The following TEAD1 variants were observed in gnomAD, a reference collection of about 807,000 sequenced individuals.
TEAD1 encodes transcriptional enhancer factor TEF-1.
Under a neutral mutation model 54.9 loss-of-function variants are expected in TEAD1, and 9 were observed. The ratio of observed to expected loss-of-function variants is 0.16; its 90% CI spans 0.10 to 0.29. TEAD1 has a LOEUF of 0.29. Ranked by LOEUF, TEAD1 falls within the 10% of genes least tolerant of loss-of-function variation. The pLI, the probability that TEAD1 is intolerant of heterozygous loss-of-function variation, is 1.00. For synonymous variants in TEAD1, 200 were observed against 187.8 expected, an observed-to-expected ratio of 1.07 and a Z score of -0.53; for missense variants, 387 against 535.9, an observed-to-expected ratio of 0.72 and a Z score of 2.74.
At chr11:12,833,037 C>T (rs1208553593) in intron 3 of TEAD1, among the ~76,000 whole-genome samples, 1 of 152,232 alleles carries the variant, frequency 6.6e-6, no homozygotes, top group African/African-American at 2.4e-5. Flanking sequence ...AGACATATTG[C>T]AACCAAATAG....
chr11:12,819,679 C>T (rs1240848119), intron 3 of TEAD1, among the ~76,000 whole-genome samples: 2 of 151,878 alleles, frequency 1.3e-5, no homozygotes, highest in Admixed American at 1.3e-4. Flanking sequence ...TCTTGATCTC[C>T]TGACCTTTTG....
chr11:12,742,596 A>T (rs1037488150), intron 2 of TEAD1, among the ~76,000 whole-genome samples: 5 of 152,226 alleles, frequency 3.3e-5, no homozygotes, highest in Non-Finnish European at 7.3e-5. Flanking sequence ...ATCACAAAGA[A>T]ATGATACCTA....
intron 3 of TEAD1, among the ~76,000 whole-genome samples, chr11:12,792,026 G>A (rs947419460): frequency 1.3e-5 from 2 of 152,144 alleles, no homozygotes; most frequent in Non-Finnish European, 2.9e-5. Flanking sequence ...GGATAGGTGG[G>A]CACTTAGAAG....
intron 3 of TEAD1, among the ~76,000 whole-genome samples, chr11:12,838,729 G>C (rs1444652825): frequency 6.6e-6 from 1 of 152,142 alleles, no homozygotes; most frequent in Non-Finnish European, 1.5e-5. Flanking sequence ...AATTGAAATT[G>C]TTAGATGAAA....
chr11:12,879,092 G>A (rs534126810), intron 5 of TEAD1, among the ~76,000 whole-genome samples: 15 of 152,160 alleles, frequency 9.9e-5, no homozygotes, highest in Non-Finnish European at 1.9e-4. Context: ...CCCACGGCGG[G>A]GATACCTGAG....
intron 5 of TEAD1, among the ~76,000 whole-genome samples, chr11:12,869,367 G>A (rs1353177130): frequency 6.6e-6 from 1 of 152,118 alleles, no homozygotes; most frequent in East Asian, 1.9e-4. Flanking sequence ...ACTCATCCTT[G>A]GCTGGCTCCC....
chr11:12,685,892 G>A (rs1943322436), intron 2 of TEAD1, among the ~76,000 whole-genome samples: 1 of 152,184 alleles, frequency 6.6e-6, no homozygotes, highest in African/African-American at 2.4e-5. Context: ...AATGGACCTA[G>A]AATCAGGTTA....
intron 3 of TEAD1, among the ~76,000 whole-genome samples, chr11:12,853,555 C>T (rs934241752): frequency 6.6e-6 from 1 of 152,160 alleles, no homozygotes; most frequent in Admixed American, 6.6e-5. Flanking sequence ...ATCTTTATTG[C>T]CTCATAGAGA....
At chr11:12,829,428 C>T (rs2134015191) in intron 3 of TEAD1, among the ~76,000 whole-genome samples, 2 of 152,334 alleles carry the variant, frequency 1.3e-5, no homozygotes, top group South Asian at 4.1e-4. Context: ...CTCGGAGCAA[C>T]TGGTTTCTCC....
chr11:12,731,241 A>G (rs1383303289), intron 2 of TEAD1, among the ~76,000 whole-genome samples: 3 of 152,192 alleles, frequency 2.0e-5, no homozygotes, highest in African/African-American at 7.2e-5. Flanking sequence ...GAAAAATCTA[A>G]AATAATTTTT....
intron 5 of TEAD1, among the ~76,000 whole-genome samples, chr11:12,870,231 A>C (rs1947714842): frequency 6.6e-6 from 1 of 152,212 alleles, no homozygotes. Flanking sequence ...ATTGGCACCA[A>C]CATGAGACTT....
At position 12,937,365 on chromosome 11, in the gene TEAD1, C is replaced by G. The variant is rs1323227604; in HGVS notation, c.*143C>G. On this transcript the variant is annotated 3_prime_UTR_variant, in exon 13 of 13. Coordinates refer to ENST00000527636, the MANE Select transcript of TEAD1 (RefSeq NM_021961.6). ...TGGCCCCGAGGTCACCCCGACTTTT[C>G]TAAATCTTGTTTGAGTGAAGTCATT... 2 of 639,700 alleles carry G rather than the reference C, an allele frequency of 3.1e-6. No individual in the cohort carries two copies. The highest frequency in any genetic ancestry group is 5.7e-5 in the East Asian group (2 of 34,898). 39.6% of individuals were successfully genotyped at this position (639,700 alleles called of 1,614,324 possible).
At chr11:12,871,887 C>T (rs1357202453) in intron 5 of TEAD1, among the ~76,000 whole-genome samples, 1 of 152,132 alleles carries the variant, frequency 6.6e-6, no homozygotes, top group Admixed American at 6.5e-5. Flanking sequence ...TGAAGAAAAA[C>T]CTGTACTTGC....
intron 3 of TEAD1, among the ~76,000 whole-genome samples, chr11:12,771,338 T>G (rs1231878445): frequency 6.6e-6 from 1 of 152,170 alleles, no homozygotes; most frequent in Non-Finnish European, 1.5e-5. Flanking sequence ...TTGACAAAAC[T>G]AGATCTGAAG....
At chr11:12,722,386 C>T (rs538997622) in intron 2 of TEAD1, among the ~76,000 whole-genome samples, 2 of 152,298 alleles carry the variant, frequency 1.3e-5, no homozygotes, top group African/African-American at 2.4e-5. Flanking sequence ...CTTCTACACT[C>T]GCTGTTCCTC....
chr11:12,754,745 G>A (rs1054854889), intron 2 of TEAD1, among the ~76,000 whole-genome samples: 1 of 152,200 alleles, frequency 6.6e-6, no homozygotes, highest in African/African-American at 2.4e-5. Context: ...GGCCTTCGCA[G>A]TTTAGCTCTT....
intron 10 of TEAD1, among the ~76,000 whole-genome samples, chr11:12,911,678 C>CT (rs386373128): frequency 0.099 from 13,530 of 136,906 alleles, 1,073 homozygotes; most frequent in East Asian, 0.46. Flanking sequence ...TTACATGAGT[C>CT]TTTTTTTTTT....
At chr11:12,704,191 A>G (rs956042530) in intron 2 of TEAD1, among the ~76,000 whole-genome samples, 1 of 152,184 alleles carries the variant, frequency 6.6e-6, no homozygotes, top group African/African-American at 2.4e-5. Flanking sequence ...TGACGAATGT[A>G]TTAGACAAGC....
intron 3 of TEAD1, among the ~76,000 whole-genome samples, chr11:12,829,265 C>T (rs1009922328): frequency 3.3e-5 from 5 of 152,112 alleles, no homozygotes; most frequent in Non-Finnish European, 7.4e-5. Context: ...GTGGCTGGCC[C>T]AAGGCAATTG....
Sources: allele counts gnomAD v4.1 joint callset (sites outside exome capture counted in the v4.1 genomes callset), GRCh38; gene constraint gnomAD v4.1.1; transcripts MANE v1.5; gene names NCBI Gene and HGNC (gene_info 2026-07-23, HGNC 2026-07-21).